The following DPT variants were observed in gnomAD, a reference collection of about 807,000 sequenced individuals.
DPT encodes tyrosine-rich acidic matrix protein.
In DPT, 21 loss-of-function variants were observed where a neutral mutation model predicts 31.2. The observed-to-expected ratio is 0.67, with a 90% CI of 0.48 to 0.97. DPT has a LOEUF of 0.97. Among genes scored for constraint, DPT ranks in the 50% least tolerant of loss-of-function variants. DPT has a pLI of 0.00. For synonymous variants in DPT, 91 were observed against 86.9 expected, an observed-to-expected ratio of 1.05 and a Z score of -0.26; for missense variants, 262 against 258.8, an observed-to-expected ratio of 1.01 and a Z score of -0.08.
In DPT at chr1:168,696,398, G is replaced by A. The variant is rs1314142504; in HGVS notation, c.*151C>T. The A allele has an allele frequency of 1.6e-6, 1 of 627,038 alleles. No individual in the cohort carries two copies. The highest frequency in any genetic ancestry group is 2.8e-6 in the Non-Finnish European group (1 of 355,860). 38.8% of individuals were successfully genotyped at this position (627,038 alleles called of 1,614,324 possible). On this transcript the variant is annotated 3_prime_UTR_variant, in exon 4 of 4. Coordinates refer to ENST00000367817, the MANE Select transcript of DPT (RefSeq NM_001937.5). ...TAGAAGTGTGATACTAGTCAGAAAG[G>A]CCCAGGAAGTTGGCATTGCAGTTAC...
intron 1 of DPT, among the ~76,000 whole-genome samples, chr1:168,723,626 TA>T (rs1056148862): frequency 5.3e-5 from 8 of 152,214 alleles, no homozygotes; most frequent in African/African-American, 1.2e-4. Flanking sequence ...TACTGATATT[TA>T]TATCTACTTT....
chr1:168,702,612 CTT>C (rs10656421), intron 2 of DPT, among the ~76,000 whole-genome samples: 18 of 132,378 alleles, frequency 1.4e-4, no homozygotes, highest in Admixed American at 2.3e-4. Context: ...AGGTAAATGT[CTT>C]TTTTTTTTTT....
Position 168,696,486 on chromosome 1 carries a change from A to G in DPT, c.*63T>C. 2.1e-6 allele frequency: 3 copies of G among 1,414,544 alleles called. No individual in the cohort carries two copies. The highest frequency in any genetic ancestry group is 1.8e-5 in the Admixed American group (1 of 54,134). The allele number at this position is 1,414,544 out of a possible 1,614,324, so 87.6% of individuals were successfully genotyped here. On this transcript the variant is annotated 3_prime_UTR_variant, in exon 4 of 4. Coordinates refer to ENST00000367817, the MANE Select transcript of DPT (RefSeq NM_001937.5). ...TATAGGAGATCCAACTGATGTTAACATATGTGGACACCCTCCTGTCCCCGG... is the reference window on the plus strand; with the variant it reads ...TATAGGAGATCCAACTGATGTTAACGTATGTGGACACCCTCCTGTCCCCGG...
At chr1:168,711,871 T>C (rs775166084) in intron 2 of DPT, among the ~76,000 whole-genome samples, 5 of 152,188 alleles carry the variant, frequency 3.3e-5, no homozygotes, top group Admixed American at 6.5e-5. Context: ...TCCAAACAAA[T>C]GTTATGTGCC....
rs192073477 is a variant in DPT, at chr1:168,716,335, C to T, written c.306-1989G>A. Among the ~76,000 whole-genome samples, 404 of 152,146 alleles carry T rather than the reference C, an allele frequency of 2.7e-3. 3 individuals are homozygous for T. The highest frequency in any genetic ancestry group is 7.9e-4 in the Non-Finnish European group (54 of 68,000). On this transcript the variant is annotated intron_variant, in intron 1 of 3. Transcript: ENST00000367817. ...TGTGAGAAGAATTGAGAGATGGGCT[C>T]GGTATTCGGTCAACCATGTAAATTA... is the stretch of plus-strand genomic sequence containing the variant.
chr1:168,719,795 CTT>C (rs35525984), intron 1 of DPT, among the ~76,000 whole-genome samples: 12 of 150,172 alleles, frequency 8.0e-5, no homozygotes, highest in Non-Finnish European at 1.0e-4. Context: ...AGAAGACATA[CTT>C]TTTTTTTTTC....
chr1:168,705,839 C>T (rs1649707519), intron 2 of DPT, among the ~76,000 whole-genome samples: 1 of 152,082 alleles, frequency 6.6e-6, no homozygotes, highest in African/African-American at 2.4e-5. Context: ...CAGGTCTTTC[C>T]TGTGTTGTTC....
chr1:168,726,453 G>T (rs898225520), intron 1 of DPT, among the ~76,000 whole-genome samples: 1 of 152,188 alleles, frequency 6.6e-6, no homozygotes, highest in African/African-American at 2.4e-5. Flanking sequence ...TGTTTTCAGG[G>T]GTGAGCCACA....
intron 2 of DPT, among the ~76,000 whole-genome samples, chr1:168,710,916 A>G (rs939823920): frequency 4.6e-5 from 7 of 152,078 alleles, no homozygotes; most frequent in African/African-American, 1.7e-4. Flanking sequence ...GGAATATGGG[A>G]ATTCCAGGAA....
intron 2 of DPT, among the ~76,000 whole-genome samples, chr1:168,703,181 T>C (rs1649641576): frequency 6.6e-6 from 1 of 152,226 alleles, no homozygotes; most frequent in Admixed American, 6.5e-5. Flanking sequence ...AAGTTGTGTG[T>C]TTTTTCTTTT....
chr1:168,722,202 C>A (rs1650130855), intron 1 of DPT, among the ~76,000 whole-genome samples: 1 of 152,090 alleles, frequency 6.6e-6, no homozygotes, highest in Admixed American at 6.5e-5. Flanking sequence ...TTATGAATAT[C>A]AATTATAATA....
chr1:168,722,122 C>T (rs1164171435), intron 1 of DPT, among the ~76,000 whole-genome samples: 1 of 152,132 alleles, frequency 6.6e-6, no homozygotes, highest in Non-Finnish European at 1.5e-5. Context: ...CATTTATGTC[C>T]TGAGAGCAAT....
At chr1:168,715,741 C>T (rs1002820061) in intron 1 of DPT, among the ~76,000 whole-genome samples, 1 of 152,186 alleles carries the variant, frequency 6.6e-6, no homozygotes, top group Non-Finnish European at 1.5e-5. Context: ...TATGGTGAGC[C>T]ATGGCCCTTT....
At chr1:168,718,609 G>A (rs1388660483) in intron 1 of DPT, among the ~76,000 whole-genome samples, 1 of 152,198 alleles carries the variant, frequency 6.6e-6, no homozygotes, top group East Asian at 1.9e-4. Flanking sequence ...GGAGCAGATA[G>A]TAGAGTGGCC....
chr1:168,700,865 G>A, intron 3 of DPT, 152 bp downstream of exon 3: 1 of 588,074 alleles, frequency 1.7e-6, no homozygotes, highest in Non-Finnish European at 3.0e-6. Context: ...ATATGTGCAT[G>A]TAAGAAATTT....
intron 1 of DPT, among the ~76,000 whole-genome samples, chr1:168,728,070 C>G (rs1650289810): frequency 6.6e-6 from 1 of 152,158 alleles, no homozygotes; most frequent in Non-Finnish European, 1.5e-5. Context: ...GACCAAGCAC[C>G]TGGGCTGAGA....
intron 3 of DPT, among the ~76,000 whole-genome samples, chr1:168,700,036 G>A (rs533092593): frequency 1.7e-4 from 26 of 152,256 alleles, no homozygotes; most frequent in Middle Eastern, 6.8e-3. Flanking sequence ...GGTTTACTGA[G>A]GGATTGTTAA....
chr1:168,721,354 A>G (rs886952160), intron 1 of DPT, among the ~76,000 whole-genome samples: 6 of 152,232 alleles, frequency 3.9e-5, no homozygotes, highest in African/African-American at 9.6e-5. Context: ...CAAAAACTAA[A>G]GAGATGCTAT....
At chr1:168,721,073 A>G (rs1650102815) in intron 1 of DPT, among the ~76,000 whole-genome samples, 1 of 152,242 alleles carries the variant, frequency 6.6e-6, no homozygotes, top group Admixed American at 6.5e-5. Flanking sequence ...CACTATGATA[A>G]TACAGATACT....
Sources: allele counts gnomAD v4.1 joint callset (sites outside exome capture counted in the v4.1 genomes callset), GRCh38; gene constraint gnomAD v4.1.1; transcripts MANE v1.5; gene names NCBI Gene and HGNC (gene_info 2026-07-23, HGNC 2026-07-21).